ALDH1A2: variants seen among roughly 807,000 people sequenced by gnomAD.
The protein encoded by ALDH1A2 is aldehyde dehydrogenase 1 family member A2.
A neutral mutation model predicts 60.3 loss-of-function variants in ALDH1A2; 27 were observed. The ratio of observed to expected loss-of-function variants is 0.45; its 90% CI spans 0.33 to 0.62. The LOEUF is 0.62. Among genes scored for constraint, ALDH1A2 ranks in the 20% least tolerant of loss-of-function variants. ALDH1A2 has a pLI of 0.02. For synonymous variants in ALDH1A2, 289 were observed against 232.4 expected (o/e 1.24, Z -2.21); for missense variants, 581 against 643.8 (o/e 0.90, Z 1.06).
At chr15:57,970,873 C>T (rs984163362) in intron 7 of ALDH1A2, among the ~76,000 whole-genome samples, 2 of 152,152 alleles carry the variant, frequency 1.3e-5, no homozygotes, top group Non-Finnish European at 2.9e-5. Flanking sequence ...CATTGTTATG[C>T]TTCCTGGTTC....
At chr15:57,980,419 G>A (rs967309010) in intron 7 of ALDH1A2, 46 of 360,204 alleles carry the variant, frequency 1.3e-4, no homozygotes, top group Non-Finnish European at 2.2e-4. Flanking sequence ...GCATGGAGTG[G>A]TTGATCTTGG....
At chr15:58,000,828 C>A (rs1895240651) in intron 4 of ALDH1A2, among the ~76,000 whole-genome samples, 1 of 151,778 alleles carries the variant, frequency 6.6e-6, no homozygotes, top group African/African-American at 2.4e-5. Flanking sequence ...GAGGCTCATG[C>A]TTCTGATCCA....
intron 12 of ALDH1A2, among the ~76,000 whole-genome samples, chr15:57,958,656 T>A (rs1226129621): frequency 6.6e-6 from 1 of 152,172 alleles, no homozygotes; most frequent in African/African-American, 2.4e-5. Flanking sequence ...GGCCATGAGA[T>A]AAATAATTCT....
At chr15:58,013,803 T>A in intron 3 of ALDH1A2, 55 bp downstream of exon 3, 1 of 1,607,106 alleles carries the variant, frequency 6.2e-7, no homozygotes, top group South Asian at 1.1e-5. Flanking sequence ...GAATGTAAAT[T>A]TCAGCAGAAT....
chr15:57,979,306 T>C (rs1252445612), intron 7 of ALDH1A2, among the ~76,000 whole-genome samples: 2 of 152,216 alleles, frequency 1.3e-5, no homozygotes, highest in Non-Finnish European at 2.9e-5. Context: ...ATTTTTCTTT[T>C]GTTAATGCAT....
At chr15:58,035,333 CT>C (rs1369150437) in intron 1 of ALDH1A2, among the ~76,000 whole-genome samples, 4 of 151,508 alleles carry the variant, frequency 2.6e-5, no homozygotes, top group South Asian at 4.1e-4. Flanking sequence ...TTTGTGTCTT[CT>C]CTTTTTCTTT....
chr15:57,990,454 A>C (rs1196407859), intron 7 of ALDH1A2: 1 of 152,226 alleles, frequency 6.6e-6, no homozygotes, highest in Admixed American at 6.5e-5. Flanking sequence ...TACAGGATTA[A>C]ATGATGATAT....
chr15:58,043,640 A>C (rs572695733), intron 1 of ALDH1A2, among the ~76,000 whole-genome samples: 2 of 152,116 alleles, frequency 1.3e-5, no homozygotes, highest in African/African-American at 4.8e-5. Context: ...TGAAACGGTG[A>C]GATTCAGGTG....
rs1194350314 is a variant in ALDH1A2, at chr15:58,010,524, C to G, written c.493+125G>C. The G allele has an allele frequency of 4.6e-6, 6 of 1,293,930 alleles. No individual in the cohort carries two copies. In the African/African-American group the frequency reaches 7.5e-5, roughly 16 times the overall value. 80.2% of individuals were successfully genotyped at this position (1,293,930 alleles called of 1,614,324 possible). A position where few individuals can be genotyped will look rare whatever the true frequency, so the allele number is the denominator to read the frequency against. ...GACATAATTTGGTTGGTTCTTCACT[C>G]AGTTCTAACTGCTGTAAGTGTGCTC... is the stretch of plus-strand genomic sequence containing the variant. On this transcript the variant is annotated intron_variant, in intron 4 of 12. Transcript: ENST00000249750.
At chr15:58,001,139 A>T (rs1444096799) in intron 4 of ALDH1A2, among the ~76,000 whole-genome samples, 1 of 151,848 alleles carries the variant, frequency 6.6e-6, no homozygotes, top group Non-Finnish European at 1.5e-5. Flanking sequence ...TCTGAAAAAA[A>T]TAGAGCAACT....
intron 7 of ALDH1A2, chr15:57,991,526 G>A (rs1894895501): frequency 6.6e-6 from 1 of 152,158 alleles, no homozygotes; most frequent in South Asian, 2.1e-4. Context: ...TTCTAGATCT[G>A]TGCTGTCCAA....
chr15:57,954,985 G>GT lies in ALDH1A2; in HGVS notation c.*211dup. ...TTTATCCCACTTTCCCCAATATTTG[G>GT]TATGATTAAGGTGGCCCCTTACAGA... On this transcript the variant is annotated 3_prime_UTR_variant, in exon 13 of 13. Coordinates refer to ENST00000249750, the MANE Select transcript of ALDH1A2 (RefSeq NM_003888.4). 1 of 612,854 alleles carries GT rather than the reference G, an allele frequency of 1.6e-6. No individual in the cohort carries two copies. Among genetic ancestry groups the GT allele is most frequent in the Non-Finnish European group, 2.9e-6 (1 of 342,418 alleles). The allele number at this position is 612,854 out of a possible 1,614,324, so 38.0% of individuals were successfully genotyped here.
intron 9 of ALDH1A2, among the ~76,000 whole-genome samples, chr15:57,962,819 A>C (rs943088996): frequency 6.6e-6 from 1 of 152,250 alleles, no homozygotes; most frequent in Non-Finnish European, 1.5e-5. Flanking sequence ...CAGCCAGAAC[A>C]TCAATCTTCT....
At chr15:58,020,087 T>C (rs1263138697) in intron 1 of ALDH1A2, among the ~76,000 whole-genome samples, 1 of 152,142 alleles carries the variant, frequency 6.6e-6, no homozygotes, top group Non-Finnish European at 1.5e-5. Flanking sequence ...TGTTTGGTTT[T>C]CTGTTCCTGT....
At chr15:58,059,528 T>A (rs1433251211) in intron 1 of ALDH1A2, among the ~76,000 whole-genome samples, 1 of 152,244 alleles carries the variant, frequency 6.6e-6, no homozygotes, top group Non-Finnish European at 1.5e-5. Flanking sequence ...TGTCCTTGTA[T>A]GCTGCATACT....
chr15:58,008,606 C>A (rs543977983), intron 4 of ALDH1A2, among the ~76,000 whole-genome samples: 1 of 152,068 alleles, frequency 6.6e-6, no homozygotes, highest in Non-Finnish European at 1.5e-5. Context: ...TGTGCATTGC[C>A]TTCTGTTTCA....
At chr15:57,962,746 G>T (rs1893767993) in intron 9 of ALDH1A2, among the ~76,000 whole-genome samples, 1 of 151,960 alleles carries the variant, frequency 6.6e-6, no homozygotes, top group South Asian at 2.1e-4. Context: ...AACTGACGGA[G>T]TTATCATTTG....
rs1897155455 is a variant in ALDH1A2 at position 58,065,569 on chromosome 15, A to C, written c.82T>G (p.Ser28Ala). The change falls in exon 1 of 13, where the codon TCG (serine) becomes GCG (alanine). Residue 28 changes from serine (S) to alanine (A), a missense_variant. Around this residue, in one of 2 missense-constraint regions of ALDH1A2, gnomAD observed 206 missense variants for 174.1 expected, o/e 1.18. Transcript: ENST00000249750. ...TTAATTTCGAGATTGGGCGTGGGCG[A>C]CGGCAGGAGGTGCAGCGACGCCATG... ...ALMASLHLLP[S>A]PTPNLEIKYT... 1.2e-6 allele frequency: 2 copies of C among 1,613,428 alleles called. No individual in the cohort carries two copies. The highest frequency in any genetic ancestry group is 2.2e-5 in the South Asian group (2 of 91,064).
intron 1 of ALDH1A2, among the ~76,000 whole-genome samples, chr15:58,019,003 T>C (rs1391483126): frequency 1.3e-5 from 2 of 152,202 alleles, no homozygotes; most frequent in Admixed American, 6.6e-5. Context: ...TTAGGTTAGA[T>C]GATAATATTT....
Sources: gnomAD v4.1 joint callset for allele counts (sites outside exome capture counted in the v4.1 genomes callset) on GRCh38, gnomAD v4.1.1 for gene constraint, gnomAD v4.1.1 regional missense constraint, MANE v1.5 for transcripts, NCBI Gene and HGNC (gene_info 2026-07-23, HGNC 2026-07-21) for gene names.